AGGF1: variants seen among roughly 807,000 people sequenced by gnomAD.
AGGF1 encodes the protein angiogenic factor with G-patch and FHA domains 1.
In AGGF1, 56 loss-of-function variants were observed where a neutral mutation model predicts 86.5. The observed-to-expected ratio is 0.65, with a 90% CI of 0.52 to 0.81. The LOEUF (loss-of-function observed/expected upper bound fraction) is 0.81. Among genes scored for constraint, AGGF1 ranks in the 30% least tolerant of loss-of-function variants. The probability of loss-of-function intolerance (pLI) is 0.00; values close to 1 mark genes in which losing one functional copy is unlikely to be tolerated. For synonymous variants in AGGF1, 313 were observed against 297.1 expected (o/e 1.05, Z -0.55); for missense variants, 816 against 850.9 (o/e 0.96, Z 0.51).
intron 11 of AGGF1, among the ~76,000 whole-genome samples, chr5:77,057,283 A>G (rs1405511341): frequency 6.6e-6 from 1 of 152,256 alleles, no homozygotes; most frequent in Non-Finnish European, 1.5e-5. Context: ...ATGTGCATAA[A>G]AAGACCAGTA....
chr5:77,038,427 T>C (rs1317514793), intron 4 of AGGF1, among the ~76,000 whole-genome samples: 1 of 152,192 alleles, frequency 6.6e-6, no homozygotes, highest in Non-Finnish European at 1.5e-5. Flanking sequence ...GGAACTTCAT[T>C]GTGTTGCCAT....
intron 5 of AGGF1, among the ~76,000 whole-genome samples, chr5:77,045,978 A>G (rs1416651505): frequency 1.3e-5 from 2 of 152,262 alleles, no homozygotes; most frequent in Non-Finnish European, 2.9e-5. Context: ...ATTGGACACC[A>G]TTGGTCTAGG....
rs1411547433 is a variant in AGGF1, at chr5:77,036,547, C to G, written c.517-9C>G. The G allele has an allele frequency of 6.2e-7, 1 of 1,613,722 alleles. No individual in the cohort carries two copies. Among genetic ancestry groups the G allele is most frequent in the Non-Finnish European group, 8.5e-7 (1 of 1,179,774 alleles). On this transcript the variant is annotated splice_polypyrimidine_tract_variant and intron_variant, in intron 3 of 13. Transcript: ENST00000312916. ...TTTGTCTTATTTGGCATGACTATATCTTTTATAGGAGCCAGCATCTGCATT... is the reference window on the plus strand; with the variant it reads ...TTTGTCTTATTTGGCATGACTATATGTTTTATAGGAGCCAGCATCTGCATT...
intron 9 of AGGF1, 64 bp from the exon 10 acceptor site, chr5:77,053,901 G>A (rs762338648): frequency 8.1e-6 from 12 of 1,475,598 alleles, no homozygotes; most frequent in East Asian, 2.3e-5. Context: ...ATTACTTACA[G>A]TAGATGTAAG....
rs201237470 is a variant in AGGF1 at position 77,030,964 on chromosome 5, G to T, written c.198G>T (p.Glu66Asp). The change falls in exon 1 of 14, where the codon GAG becomes GAT. Residue 66 changes from glutamate (E) to aspartate (D), a missense_variant. This residue lies in a region of AGGF1 where 240 missense variants were observed against 234.4 expected (regional missense o/e 1.02). Coordinates refer to ENST00000312916, the MANE Select transcript of AGGF1 (RefSeq NM_018046.5). ...LYQNAESNNQ[E>D]LRTQVEELSK... ...AGAACGCAGAAAGCAACAACCAGGA[G>T]CTCCGCACGCAGGTGCGCGGTCCTC... 12 of 1,612,216 alleles carry T rather than the reference G, an allele frequency of 7.4e-6. No individual in the cohort carries two copies. Among genetic ancestry groups the T allele is most frequent in the Admixed American group, 3.3e-5 (2 of 60,030 alleles).
rs1385826646 is a variant in AGGF1, at chr5:77,036,663, T to C, written c.624T>C (p.Ser208=). 1.2e-6 allele frequency: 2 copies of C among 1,613,608 alleles called. No individual in the cohort carries two copies. Among genetic ancestry groups the C allele is most frequent in the East Asian group, 4.5e-5 (2 of 44,890 alleles). The change falls in exon 4 of 14, where the codon AGT becomes AGC. Residue 208 remains serine, a synonymous_variant. Coordinates refer to ENST00000312916, the MANE Select transcript of AGGF1 (RefSeq NM_018046.5). ...AEAAVSQTGF[S]YDENTGLYFD... ...CGGCTGTATCACAGACTGGATTTAG[T>C]TATGATGAAAATACTGGACTGTATT...
chr5:77,054,737 T>C (rs1221422562), intron 10 of AGGF1, among the ~76,000 whole-genome samples: 2 of 152,174 alleles, frequency 1.3e-5, no homozygotes, highest in Non-Finnish European at 2.9e-5. Context: ...AAAGTAATTA[T>C]GACTTAAGTA....
intron 5 of AGGF1, among the ~76,000 whole-genome samples, chr5:77,043,534 G>A (rs1442422336): frequency 2.1e-5 from 3 of 144,604 alleles, no homozygotes; most frequent in African/African-American, 7.6e-5. Context: ...CGGGCGGGGG[G>A]CTGACCCCCC....
chr5:77,032,122 CTG>C (rs1163996358), intron 1 of AGGF1, among the ~76,000 whole-genome samples: 2 of 151,934 alleles, frequency 1.3e-5, no homozygotes, highest in Non-Finnish European at 2.9e-5. Context: ...ATGAAAATAA[CTG>C]TTGAGTTGCA....
Position 77,030,487 on chromosome 5 carries a change from C to G in AGGF1, c.-280C>G, listed in dbSNP as rs776596136. 174 of 632,328 alleles carry G rather than the reference C, an allele frequency of 2.8e-4. No homozygotes were observed. The highest frequency in any genetic ancestry group is 1.1e-3 in the Admixed American group (53 of 47,696). 39.2% of individuals were successfully genotyped at this position (632,328 alleles called of 1,614,324 possible). A position where few individuals can be genotyped will look rare whatever the true frequency, so the allele number is the denominator to read the frequency against. The stretch of plus-strand genomic sequence containing the variant: ...GACTGCTTATCCGACGCTCCTCCCT[C>G]TGTCTCTGTAGCTGGAGAAGGTAGT... On this transcript the variant is annotated 5_prime_UTR_variant, in exon 1 of 14. Transcript: ENST00000312916.
At chr5:77,037,930 T>C (rs758478395) in intron 4 of AGGF1, among the ~76,000 whole-genome samples, 19 of 152,350 alleles carry the variant, frequency 1.2e-4, no homozygotes, top group South Asian at 2.1e-4. Context: ...CTAATAATTA[T>C]ATTTCGTTGA....
intron 7 of AGGF1, 149 bp downstream of exon 7, chr5:77,048,421 G>A (rs1184806261): frequency 6.2e-6 from 4 of 646,932 alleles, no homozygotes; most frequent in South Asian, 5.8e-5. Flanking sequence ...GCACGATCTC[G>A]GCTCATTGCA....
Position 77,049,044 on chromosome 5 carries a change from T to C in AGGF1, c.1365+57T>C, listed in dbSNP as rs947555217. 21 of 1,533,498 alleles carry C rather than the reference T, an allele frequency of 1.4e-5. No homozygotes were observed. In the African/African-American group the frequency reaches 2.9e-4, roughly 21 times the overall value. The allele number at this position is 1,533,498 out of a possible 1,614,324, so 95.0% of individuals were successfully genotyped here. A position where few individuals can be genotyped will look rare whatever the true frequency, so the allele number is the denominator to read the frequency against. On this transcript the variant is annotated intron_variant, in intron 8 of 13. Transcript: ENST00000312916. The stretch of plus-strand genomic sequence containing the variant: ...CTAGATGTAATTTTTTATATTATTA[T>C]TACAGTAGAAAGCTTAGGGATTTTT...
intron 5 of AGGF1, among the ~76,000 whole-genome samples, chr5:77,042,198 C>T (rs1241827156): frequency 6.6e-6 from 1 of 151,878 alleles, no homozygotes; most frequent in African/African-American, 2.4e-5. Context: ...ATGAAGTCTC[C>T]CATGTCTACT....
chr5:77,051,888 A>G (rs1747378238), intron 8 of AGGF1, among the ~76,000 whole-genome samples: 1 of 152,238 alleles, frequency 6.6e-6, no homozygotes, highest in African/African-American at 2.4e-5. Context: ...CGACAACTCT[A>G]TAACTGTGTA....
intron 4 of AGGF1, among the ~76,000 whole-genome samples, chr5:77,037,935 C>G (rs565262101): frequency 6.6e-6 from 1 of 152,074 alleles, no homozygotes; most frequent in Non-Finnish European, 1.5e-5. Flanking sequence ...AATTATATTT[C>G]GTTGAAGATT....
At chr5:77,050,388 C>T (rs1747351487) in intron 8 of AGGF1, among the ~76,000 whole-genome samples, 1 of 146,072 alleles carries the variant, frequency 6.8e-6, no homozygotes, top group Non-Finnish European at 1.5e-5. Context: ...GTGGCACGCA[C>T]CACAGCCTCT....
At chr5:77,053,853 T>C in intron 9 of AGGF1, 112 bp from the exon 10 acceptor site, 1 of 1,084,564 alleles carries the variant, frequency 9.2e-7, no homozygotes. Context: ...ATTTCATTTA[T>C]AGCTATTTTA....
chr5:77,060,901 TTAAAA>T (rs1334500688), intron 12 of AGGF1, among the ~76,000 whole-genome samples: 1 of 152,138 alleles, frequency 6.6e-6, no homozygotes, highest in Non-Finnish European at 1.5e-5. Context: ...TAAGACAAAT[TTAAAA>T]TAAAACACAT....
Sources: allele counts gnomAD v4.1 joint callset (sites outside exome capture counted in the v4.1 genomes callset), GRCh38; gene constraint gnomAD v4.1.1; regional missense constraint gnomAD v4.1.1; transcripts MANE v1.5; gene names NCBI Gene and HGNC (gene_info 2026-07-23, HGNC 2026-07-21).